Variants in GLIS3 observed in about 807,000 individuals in gnomAD.
The protein encoded by GLIS3 is zinc finger protein GLIS3.
Under a neutral mutation model 78.6 loss-of-function variants are expected in GLIS3, and 53 were observed. That is an observed-to-expected ratio of 0.67 (90% CI 0.54 to 0.85). The LOEUF (loss-of-function observed/expected upper bound fraction) is 0.85, where lower values mean the gene tolerates loss of function less well. GLIS3 is among the 40% of genes least tolerant of loss of function. The pLI is 0.00. For synonymous variants in GLIS3, 684 were observed against 509.9 expected, an observed-to-expected ratio of 1.34 and a Z score of -4.60; for missense variants, 1,703 against 1,231.1, an observed-to-expected ratio of 1.38 and a Z score of -5.74.
chr9:3,905,164 C>CTTTTTTTTTTT (rs1563834122), intron 6 of GLIS3, among the ~76,000 whole-genome samples: 1 of 133,356 alleles, frequency 7.5e-6, no homozygotes, highest in Non-Finnish European at 1.6e-5. Context: ...TTTTTTTTTG[C>CTTTTTTTTTTT]TATTTTTAGT....
Position 4,167,090 on chromosome 9 carries a change from G to A in GLIS3, c.389-41149C>T, listed in dbSNP as rs547534763. On this transcript the variant is annotated intron_variant, in intron 2 of 10. Coordinates refer to ENST00000381971, the MANE Select transcript of GLIS3 (RefSeq NM_001042413.2). ...TAAAATCAGTTCATTTGGATCCGAA[G>A]GGATAAAGATCATGCCTAATTAATC... is the stretch of plus-strand genomic sequence containing the variant. Among the ~76,000 whole-genome samples the A allele has an allele frequency of 2.0e-5, 3 of 151,820 alleles. No individual in the cohort carries two copies. The East Asian group carries it at 5.8e-4, about 29-fold the overall frequency.
At chr9:4,229,322 G>C (rs1822053079) in intron 2 of GLIS3, among the ~76,000 whole-genome samples, 1 of 152,292 alleles carries the variant, frequency 6.6e-6, no homozygotes, top group South Asian at 2.1e-4. Flanking sequence ...TTGTTTTAAA[G>C]ATAAATACTA....
the GLIS3 span, among the ~76,000 whole-genome samples, chr9:4,387,698 C>A: frequency 6.6e-6 from 1 of 151,162 alleles, no homozygotes; most frequent in African/African-American, 2.5e-5. Context: ...TAAGCAATTT[C>A]TTCATCAATC....
chr9:4,167,368 G>C (rs1815953572), intron 2 of GLIS3, among the ~76,000 whole-genome samples: 1 of 152,154 alleles, frequency 6.6e-6, no homozygotes, highest in African/African-American at 2.4e-5. Context: ...GAAAGGCTCA[G>C]AGGACAAACA....
At chr9:4,303,107 C>G (rs981502919), upstream of GLIS3, among the ~76,000 whole-genome samples, 6 of 129,786 alleles carry the variant, frequency 4.6e-5, no homozygotes, top group Admixed American at 4.9e-4. Context: ...TTTGAGTCAC[C>G]CTGAGTGCTC....
At chr9:3,981,390 T>A (rs1819269439) in intron 4 of GLIS3, among the ~76,000 whole-genome samples, 1 of 152,214 alleles carries the variant, frequency 6.6e-6, no homozygotes, top group Non-Finnish European at 1.5e-5. Context: ...CTTCCAAGGC[T>A]GTAATTTAGA....
intron 6 of GLIS3, among the ~76,000 whole-genome samples, chr9:3,902,042 G>GTCTT (rs1823343478): frequency 6.6e-6 from 1 of 152,162 alleles, no homozygotes; most frequent in South Asian, 2.1e-4. Context: ...TACCAACGAG[G>GTCTT]TCTTTGCAAG....
chr9:4,236,149 C>A (rs1208799287), intron 2 of GLIS3, among the ~76,000 whole-genome samples: 2 of 123,382 alleles, frequency 1.6e-5, no homozygotes, highest in South Asian at 2.8e-4. Context: ...GTAGTGCTCC[C>A]TGGCCACAGC....
rs574991526 is a variant in GLIS3 at position 4,015,916 on chromosome 9, T to A, written c.1711-78727A>T. Among the ~76,000 whole-genome samples, 11 of 150,864 alleles carry A rather than the reference T, an allele frequency of 7.3e-5. No homozygotes were observed. In the East Asian group the frequency reaches 1.2e-3, roughly 16 times the overall value. On this transcript the variant is annotated intron_variant, in intron 4 of 10. Transcript: ENST00000381971. ...AAAAAAAAAAAAAAAAAAAAAAGAT[T>A]TTCCTCCACAACAACCGTCATAACC...
chr9:4,144,657 G>C (rs1834072421), intron 2 of GLIS3, among the ~76,000 whole-genome samples: 1 of 152,102 alleles, frequency 6.6e-6, no homozygotes, highest in African/African-American at 2.4e-5. Flanking sequence ...TCTCTAGATG[G>C]AAAAAGAGAA....
chr9:4,479,750 T>A, the GLIS3 span, among the ~76,000 whole-genome samples: 1 of 152,112 alleles, frequency 6.6e-6, no homozygotes, highest in Non-Finnish European at 1.5e-5. Flanking sequence ...CAGACCCCTA[T>A]CTGGGGAGTG....
At chr9:4,014,042 A>G (rs1176984851) in intron 4 of GLIS3, among the ~76,000 whole-genome samples, 1 of 152,208 alleles carries the variant, frequency 6.6e-6, no homozygotes, top group Non-Finnish European at 1.5e-5. Context: ...TGAAAGGCAG[A>G]CAAATTGCAG....
At chr9:4,102,228 T>A (rs1448537277) in intron 4 of GLIS3, among the ~76,000 whole-genome samples, 1 of 152,226 alleles carries the variant, frequency 6.6e-6, no homozygotes, top group East Asian at 1.9e-4. Context: ...CATTCCTTCC[T>A]ACTATAATTC....
chr9:3,953,095 C>G (rs1340145315), intron 4 of GLIS3, among the ~76,000 whole-genome samples: 1 of 152,100 alleles, frequency 6.6e-6, no homozygotes, highest in Non-Finnish European at 1.5e-5. Flanking sequence ...TTTGAGGGAT[C>G]TGCACTACAT....
chr9:4,189,954 A>T (rs960984200), intron 2 of GLIS3, among the ~76,000 whole-genome samples: 1 of 152,152 alleles, frequency 6.6e-6, no homozygotes, highest in African/African-American at 2.4e-5. Flanking sequence ...AAACTCCAAG[A>T]GACCTGCAGC....
At chr9:4,203,857 C>G (rs1819618631) in intron 2 of GLIS3, among the ~76,000 whole-genome samples, 1 of 152,186 alleles carries the variant, frequency 6.6e-6, no homozygotes, top group South Asian at 2.1e-4. Context: ...AACACAAGAA[C>G]AGGAAGCCAA....
In GLIS3 at chr9:3,950,054, C is replaced by T. The variant is rs151008468; in HGVS notation, c.1711-12865G>A. Among the ~76,000 whole-genome samples the T allele has an allele frequency of 5.4e-3, 818 of 152,364 alleles. 1 individual carries two copies. Among genetic ancestry groups the T allele is most frequent in the Non-Finnish European group, 9.5e-3 (648 of 68,034 alleles). On this transcript the variant is annotated intron_variant, in intron 4 of 10. Coordinates refer to ENST00000381971, the MANE Select transcript of GLIS3 (RefSeq NM_001042413.2). Reference sequence around the variant, plus strand: ...CCCCAGAGCCTTCACTGCCTGCTCTCTATTCACCCAGCAGCGCAGCCCCAA... The same window carrying T: ...CCCCAGAGCCTTCACTGCCTGCTCTTTATTCACCCAGCAGCGCAGCCCCAA...
At chr9:4,001,256 C>A (rs1395307451) in intron 4 of GLIS3, among the ~76,000 whole-genome samples, 2 of 151,862 alleles carry the variant, frequency 1.3e-5, no homozygotes, top group Non-Finnish European at 2.9e-5. Context: ...GTTTCTTATT[C>A]AAAAAAAATC....
chr9:4,264,241 A>T (rs1825782568), intron 2 of GLIS3, among the ~76,000 whole-genome samples: 1 of 152,138 alleles, frequency 6.6e-6, no homozygotes, highest in South Asian at 2.1e-4. Flanking sequence ...TTATTGCTGC[A>T]CAACCAATCC....
Sources: gnomAD v4.1 joint callset for allele counts (sites outside exome capture counted in the v4.1 genomes callset) on GRCh38, gnomAD v4.1.1 for gene constraint, MANE v1.5 for transcripts, NCBI Gene and HGNC (gene_info 2026-07-23, HGNC 2026-07-21) for gene names.